The following ABTB3 variants were observed in gnomAD, a reference collection of about 807,000 sequenced individuals.
ABTB3 encodes the protein ankyrin repeat- and BTB/POZ domain-containing protein 3.
the ABTB3 span, among the ~76,000 whole-genome samples, chr12:107,435,870 T>A: frequency 6.6e-6 from 1 of 152,240 alleles, no homozygotes; most frequent in Non-Finnish European, 1.5e-5. Flanking sequence ...GTTCTGTATC[T>A]GTGCTGTCCA....
At chr12:107,490,987 C>G in the ABTB3 span, among the ~76,000 whole-genome samples, 1 of 152,142 alleles carries the variant, frequency 6.6e-6, no homozygotes, top group South Asian at 2.1e-4. Context: ...AGGGGCAGAG[C>G]TGGGATTAGA....
At chr12:107,330,692 T>A in the ABTB3 span, among the ~76,000 whole-genome samples, 2 of 152,198 alleles carry the variant, frequency 1.3e-5, no homozygotes, top group Non-Finnish European at 2.9e-5. Flanking sequence ...TGATGTATTG[T>A]CTCCTCTAAA....
At chr12:107,614,950 G>A in the ABTB3 span, 2 of 837,412 alleles carry the variant, frequency 2.4e-6, no homozygotes, top group Non-Finnish European at 3.8e-6. Context: ...CATCTTCCAG[G>A]ATGTCTTTTT....
the ABTB3 span, among the ~76,000 whole-genome samples, chr12:107,334,201 G>A: frequency 6.6e-6 from 1 of 152,172 alleles, no homozygotes; most frequent in Non-Finnish European, 1.5e-5. Flanking sequence ...ATAAGGATTG[G>A]CAGGTCTGGT....
At chr12:107,570,632 A>G in the ABTB3 span, among the ~76,000 whole-genome samples, 1 of 151,842 alleles carries the variant, frequency 6.6e-6, no homozygotes, top group Non-Finnish European at 1.5e-5. Context: ...TTGGATGTCA[A>G]TCCATTCTTG....
chr12:107,589,203 C>T, the ABTB3 span, among the ~76,000 whole-genome samples: 1 of 152,336 alleles, frequency 6.6e-6, no homozygotes, highest in East Asian at 1.9e-4. Context: ...ATTTTCTCCC[C>T]TCTGGACCAA....
the ABTB3 span, among the ~76,000 whole-genome samples, chr12:107,514,165 AGCT>A: frequency 6.6e-6 from 1 of 152,222 alleles, no homozygotes; most frequent in Admixed American, 6.5e-5. Context: ...CACAGAGGGC[AGCT>A]GCAGGATGGT....
At chr12:107,434,355 T>C in the ABTB3 span, among the ~76,000 whole-genome samples, 3 of 152,156 alleles carry the variant, frequency 2.0e-5, no homozygotes, top group Admixed American at 6.5e-5. Flanking sequence ...TCAGCTGGCA[T>C]GCACTGAAGT....
the ABTB3 span, among the ~76,000 whole-genome samples, chr12:107,400,298 T>C: frequency 3.3e-5 from 5 of 152,160 alleles, no homozygotes; most frequent in African/African-American, 1.2e-4. Flanking sequence ...GGGCCCATGA[T>C]GAGATGCTTA....
At chr12:107,589,721 G>A in the ABTB3 span, among the ~76,000 whole-genome samples, 5 of 152,352 alleles carry the variant, frequency 3.3e-5, no homozygotes, top group Admixed American at 6.5e-5. Flanking sequence ...TTCACAGCCC[G>A]GACTTGTATT....
the ABTB3 span, among the ~76,000 whole-genome samples, chr12:107,603,820 A>AT: frequency 6.6e-6 from 1 of 152,234 alleles, no homozygotes. Flanking sequence ...TGGGGTTAAT[A>AT]TCCAAAATAT....
chr12:107,476,675 A>G, the ABTB3 span, among the ~76,000 whole-genome samples: 1 of 151,942 alleles, frequency 6.6e-6, no homozygotes, highest in Admixed American at 6.5e-5. Flanking sequence ...CTGGAGCTAC[A>G]TTCTGGAGTC....
At chr12:107,339,385 C>T in the ABTB3 span, among the ~76,000 whole-genome samples, 216 of 152,318 alleles carry the variant, frequency 1.4e-3, 2 homozygotes, top group East Asian at 0.035. Flanking sequence ...GAGAGACATG[C>T]CTCTAGACAG....
chr12:107,587,606 T>C, the ABTB3 span, among the ~76,000 whole-genome samples: 1 of 152,192 alleles, frequency 6.6e-6, no homozygotes, highest in Non-Finnish European at 1.5e-5. Flanking sequence ...AATGCACAGA[T>C]CTGTACACTT....
At chr12:107,421,349 C>T in the ABTB3 span, among the ~76,000 whole-genome samples, 9 of 152,176 alleles carry the variant, frequency 5.9e-5, no homozygotes, top group African/African-American at 1.7e-4. Context: ...ACCCACAGCA[C>T]GTGGACTTCT....
the ABTB3 span, among the ~76,000 whole-genome samples, chr12:107,583,082 G>A: frequency 2.6e-5 from 4 of 152,216 alleles, no homozygotes; most frequent in South Asian, 8.3e-4. Flanking sequence ...ACTTGGGCAA[G>A]CTAGTTAACC....
At chr12:107,605,372 C>T in the ABTB3 span, among the ~76,000 whole-genome samples, 2 of 152,148 alleles carry the variant, frequency 1.3e-5, no homozygotes, top group Non-Finnish European at 1.5e-5. Flanking sequence ...AACGAGGAGA[C>T]AAACAAAATT....
the ABTB3 span, among the ~76,000 whole-genome samples, chr12:107,335,826 C>A: frequency 3.5e-3 from 527 of 150,596 alleles, 2 homozygotes; most frequent in African/African-American, 0.012. Flanking sequence ...GCGCTTGGAA[C>A]CTTTGCAGCT....
the ABTB3 span, among the ~76,000 whole-genome samples, chr12:107,613,374 T>C: frequency 1.3e-5 from 2 of 152,132 alleles, no homozygotes; most frequent in Non-Finnish European, 2.9e-5. Context: ...AGTTGACAGA[T>C]CTTAAAGCTA....
Sources: allele counts gnomAD v4.1 joint callset (sites outside exome capture counted in the v4.1 genomes callset), GRCh38; gene constraint gnomAD v4.1.1; transcripts MANE v1.5; gene names NCBI Gene and HGNC (gene_info 2026-07-23, HGNC 2026-07-21).